PRUNE2: variants seen among roughly 807,000 people sequenced by gnomAD.
The protein encoded by PRUNE2 is protein prune homolog 2.
Under a neutral mutation model 252.0 loss-of-function variants are expected in PRUNE2, and 164 were observed. That is an observed-to-expected ratio of 0.65 (90% CI 0.57 to 0.74). The LOEUF is 0.74. Ranked by LOEUF, PRUNE2 falls within the 30% of genes least tolerant of loss-of-function variation. PRUNE2 has a pLI of 0.00. For missense variants in PRUNE2, 3,495 were observed against 3,711.0 expected (o/e 0.94, Z 1.51); for synonymous variants, 1,292 against 1,350.2 (o/e 0.96, Z 0.94).
Position 76,708,977 on chromosome 9 carries a change from G to A in PRUNE2, c.3297C>T (p.His1099=), listed in dbSNP as rs1425154703. 1.2e-6 allele frequency: 2 copies of A among 1,613,878 alleles called. No homozygotes were observed. The highest frequency in any genetic ancestry group is 1.3e-5 in the African/African-American group (1 of 74,924). The part of the protein sequence containing the change: ...NETNRQLTLL[H]SSTNSRQTAP... The stretch of plus-strand genomic sequence containing the variant: ...CCGTCTGCCGGGAGTTGGTGCTGCT[G>A]TGCAAAAGTGTGAGTTGTCGGTTTG... The change falls in exon 8 of 19, where the codon CAC becomes CAT. Residue 1099 remains histidine (H), a synonymous_variant. Transcript: ENST00000376718.
chr9:76,676,428 G>A (rs1485774904), intron 9 of PRUNE2, among the ~76,000 whole-genome samples: 2 of 151,672 alleles, frequency 1.3e-5, no homozygotes, highest in Non-Finnish European at 2.9e-5. Context: ...ATGAAAACTC[G>A]TTACAAAATG....
At position 76,652,484 on chromosome 9, in the gene PRUNE2, A is replaced by G. The variant is rs749450225; in HGVS notation, c.8556T>C (p.His2852=). The change falls in exon 11 of 19, where the codon CAT becomes CAC. Residue 2852 remains histidine (H), a splice_region_variant and synonymous_variant. Transcript: ENST00000376718. ...DEADSFEYTG[H]DPTANKDSGQ... is the part of the protein sequence containing the mutation. ...GGCCTTGCCAACTTAGTGACTTACCATGGCCAGTGTACTCAAAAGAATCTG... is the reference window on the plus strand; with the variant it reads ...GGCCTTGCCAACTTAGTGACTTACCGTGGCCAGTGTACTCAAAAGAATCTG... 2.5e-5 allele frequency: 40 copies of G among 1,608,200 alleles called. No homozygotes were observed. Among genetic ancestry groups the G allele is most frequent in the Non-Finnish European group, 3.0e-5 (35 of 1,175,136 alleles).
intron 9 of PRUNE2, among the ~76,000 whole-genome samples, chr9:76,701,152 C>T (rs542460309): frequency 1.3e-5 from 2 of 152,228 alleles, no homozygotes; most frequent in South Asian, 4.1e-4. Context: ...AGGTCTGAGT[C>T]GGAGCCGATA....
chr9:76,894,483 C>A (rs769531381), intron 1 of PRUNE2, among the ~76,000 whole-genome samples: 3 of 152,152 alleles, frequency 2.0e-5, no homozygotes, highest in African/African-American at 7.2e-5. Flanking sequence ...CAGACATACC[C>A]GTGGCAGGGA....
chr9:76,624,489 G>T lies in PRUNE2; in HGVS notation c.9151C>A (p.Leu3051Met). Reference sequence around the variant, plus strand: ...GATGCTTCCCTCAGTTCTTCATCCAGTCTGCAGGAGCAAAAATTATTGGTG... The same window carrying T: ...GATGCTTCCCTCAGTTCTTCATCCATTCTGCAGGAGCAAAAATTATTGGTG... The part of the protein sequence containing the change: ...CIHIPESIIK[L>M]DEELREASEA... Residue 3051 changes from leucine to methionine, a missense_variant and splice_region_variant, in exon 17 of 19, where the codon CTG (leucine) becomes ATG (methionine). Leu to Met is a conservative substitution (Grantham distance 15). Transcript: ENST00000376718. 1.4e-6 allele frequency: 2 copies of T among 1,423,590 alleles called. No homozygotes were observed. The highest frequency in any genetic ancestry group is 9.2e-7 in the Non-Finnish European group (1 of 1,084,180). The allele number at this position is 1,423,590 out of a possible 1,614,324, so 88.2% of individuals were successfully genotyped here.
intron 9 of PRUNE2, among the ~76,000 whole-genome samples, chr9:76,671,168 G>T (rs2041384027): frequency 1.4e-5 from 2 of 147,754 alleles, no homozygotes; most frequent in Admixed American, 6.8e-5. Context: ...AAATTTAGAA[G>T]AATGTATAAC....
chr9:76,889,950 T>C (rs2062365451), intron 1 of PRUNE2, among the ~76,000 whole-genome samples: 2 of 152,126 alleles, frequency 1.3e-5, no homozygotes, highest in Non-Finnish European at 2.9e-5. Context: ...TGAATCAGAG[T>C]CCGCCTTTCA....
intron 1 of PRUNE2, among the ~76,000 whole-genome samples, chr9:76,889,896 G>A (rs941303331): frequency 1.3e-5 from 2 of 152,202 alleles, no homozygotes; most frequent in Admixed American, 6.5e-5. Context: ...TCTCCTGAGA[G>A]CCTGTTAGAA....
chr9:76,795,767 C>T (rs1445919326), intron 6 of PRUNE2, among the ~76,000 whole-genome samples: 1 of 152,172 alleles, frequency 6.6e-6, no homozygotes, highest in Non-Finnish European at 1.5e-5. Flanking sequence ...ACCTTCTATA[C>T]CTGGTGGTTA....
chr9:76,901,612 C>T (rs764747955), intron 1 of PRUNE2, among the ~76,000 whole-genome samples: 9 of 152,252 alleles, frequency 5.9e-5, no homozygotes, highest in South Asian at 2.1e-4. Context: ...GACATGCTGC[C>T]GTCTTTCTTT....
chr9:76,652,518 G>A lies in PRUNE2; in HGVS notation c.8522C>T (p.Pro2841Leu), dbSNP rs1564467333. 3.1e-6 allele frequency: 5 copies of A among 1,613,174 alleles called. No homozygotes were observed. The change falls in exon 11 of 19, where the codon CCC becomes CTC. Residue 2841 changes from proline to leucine, a missense_variant. Physicochemically the swap from Pro to Leu is moderately conservative, Grantham distance 98 (BLOSUM62 -3). Transcript: ENST00000376718. ...IDINVDELDT[P>L]DEADSFEYTG... The stretch of plus-strand genomic sequence containing the variant: ...GTACTCAAAAGAATCTGCTTCATCG[G>A]GGGTATCAAGTTCATCCACATTGAT...
At chr9:76,653,651 A>G (rs1005552659) in intron 10 of PRUNE2, among the ~76,000 whole-genome samples, 1 of 152,122 alleles carries the variant, frequency 6.6e-6, no homozygotes, top group African/African-American at 2.4e-5. Flanking sequence ...GAACTTTGTC[A>G]TGTTCACAGA....
At chr9:76,725,755 C>A (rs2048053807) in intron 6 of PRUNE2, among the ~76,000 whole-genome samples, 1 of 152,166 alleles carries the variant, frequency 6.6e-6, no homozygotes, top group South Asian at 2.1e-4. Flanking sequence ...AAGCTAATTA[C>A]CAGAAACCCC....
chr9:76,720,973 C>T (rs1398263183), intron 6 of PRUNE2, among the ~76,000 whole-genome samples: 3 of 152,038 alleles, frequency 2.0e-5, no homozygotes, highest in Non-Finnish European at 2.9e-5. Flanking sequence ...TGGTGACCGG[C>T]GCGTGTAGTC....
Position 76,709,850 on chromosome 9 carries a change from A to G in PRUNE2, c.2424T>C (p.His808=), listed in dbSNP as rs1301218398. 1 of 1,613,856 alleles carries G rather than the reference A, an allele frequency of 6.2e-7. No homozygotes were observed. The highest frequency in any genetic ancestry group is 8.5e-7 in the Non-Finnish European group (1 of 1,179,850). Residue 808 remains histidine (H), a synonymous_variant, in exon 8 of 19, where the codon CAT becomes CAC. Coordinates refer to ENST00000376718, the MANE Select transcript of PRUNE2 (RefSeq NM_015225.3). Reference sequence around the variant, plus strand: ...TCCAGGTATTTTTTAAAGCTTCATCATGATCTTCTTTACCAAATGCACTCC... The same window carrying G: ...TCCAGGTATTTTTTAAAGCTTCATCGTGATCTTCTTTACCAAATGCACTCC... ...PAWSAFGKED[H]DEALKNTWNL...
intron 6 of PRUNE2, among the ~76,000 whole-genome samples, chr9:76,756,823 C>T (rs1450973348): frequency 6.6e-6 from 1 of 152,122 alleles, no homozygotes; most frequent in African/African-American, 2.4e-5. Context: ...ATGCTTGATG[C>T]TGTTCCCCAC....
intron 6 of PRUNE2, among the ~76,000 whole-genome samples, chr9:76,728,054 T>A (rs2048273277): frequency 6.6e-6 from 1 of 152,126 alleles, no homozygotes. Flanking sequence ...ATCTTATATT[T>A]AGGATTCCTG....
chr9:76,709,237 G>GTTGC lies in PRUNE2; in HGVS notation c.3036_3037insGCAA (p.Gln1013AlafsTer29), dbSNP rs1554716095. 1 of 1,613,894 alleles carries GTTGC rather than the reference G, an allele frequency of 6.2e-7. No homozygotes were observed. Among genetic ancestry groups the GTTGC allele is most frequent in the Non-Finnish European group, 8.5e-7 (1 of 1,179,820 alleles). On this transcript the variant is annotated frameshift_variant, in exon 8 of 19. Transcript: ENST00000376718. LOFTEE classifies it high-confidence loss of function. ...TTTCGAGATGACTGTTGCAGTGACT[G>GTTGC]AGGAGGAATGTCAGTCTCCTCTGCC...
chr9:76,819,172 C>A (rs1245455469), intron 6 of PRUNE2: 1 of 152,186 alleles, frequency 6.6e-6, no homozygotes, highest in Admixed American at 6.5e-5. Flanking sequence ...ATCCCTTGAG[C>A]CCGGGAGGTG....
Sources: gnomAD v4.1 joint callset for allele counts (sites outside exome capture counted in the v4.1 genomes callset) on GRCh38, gnomAD v4.1.1 for gene constraint, MANE v1.5 for transcripts, NCBI Gene and HGNC (gene_info 2026-07-23, HGNC 2026-07-21) for gene names.